MYO6: variants seen among roughly 807,000 people sequenced by gnomAD.
The protein encoded by MYO6 is myosin VI.
In MYO6, 74 loss-of-function variants were observed where a neutral mutation model predicts 178.7. That is an observed-to-expected ratio of 0.41 (90% CI 0.34 to 0.50). The LOEUF (loss-of-function observed/expected upper bound fraction) is 0.50. Ranked by LOEUF, MYO6 falls within the 20% of genes least tolerant of loss-of-function variation. MYO6 has a pLI of 0.09. For missense variants in MYO6, 1,330 were observed against 1,547.4 expected (o/e 0.86, Z 2.36); for synonymous variants, 477 against 504.6 (o/e 0.95, Z 0.73).
chr6:75,912,155 C>T (rs1780803467), intron 33 of MYO6, among the ~76,000 whole-genome samples: 1 of 151,914 alleles, frequency 6.6e-6, no homozygotes, highest in Non-Finnish European at 1.5e-5. Context: ...AATAATGATA[C>T]CTCCTTAAAT....
At chr6:75,858,645 T>A (rs538955633) in intron 13 of MYO6, among the ~76,000 whole-genome samples, 1 of 152,230 alleles carries the variant, frequency 6.6e-6, no homozygotes, top group Admixed American at 6.5e-5. Flanking sequence ...ACATTTTATA[T>A]CTTTTAGTAT....
intron 23 of MYO6, among the ~76,000 whole-genome samples, chr6:75,882,630 T>C (rs1778132511): frequency 6.6e-6 from 1 of 152,138 alleles, no homozygotes; most frequent in African/African-American, 2.4e-5. Context: ...AAAAAGATAT[T>C]TATTTACATT....
chr6:75,822,849 A>T lies in MYO6; in HGVS notation c.185A>T (p.Asn62Ile), dbSNP rs772775766. The part of the protein sequence containing the change: ...EEDSKKDVED[N>I]CSLMYLNEAT... ...GACAGTAAAAAAGATGTGGAAGATA[A>T]CTGTAAGTACCAAGTTAAAAATTAA... The change falls in exon 3 of 35, where the codon AAC becomes ATC. Residue 62 changes from asparagine (N) to isoleucine (I), a missense_variant and splice_region_variant. Asn to Ile is a moderately radical substitution (Grantham distance 149). This residue lies in a region of MYO6 where 116 missense variants were observed against 104.6 expected (regional missense o/e 1.11). Coordinates refer to ENST00000369977, the MANE Select transcript of MYO6 (RefSeq NM_004999.4). 6.2e-7 allele frequency: 1 copy of T among 1,611,734 alleles called. No individual in the cohort carries two copies. The highest frequency in any genetic ancestry group is 8.5e-7 in the Non-Finnish European group (1 of 1,178,074).
chr6:75,783,542 A>G (rs72654762), intron 1 of MYO6, among the ~76,000 whole-genome samples: 8,108 of 150,080 alleles, frequency 0.054, 481 homozygotes, highest in African/African-American at 0.15. Context: ...CTCTGAGATG[A>G]CATTTGATAT....
At chr6:75,753,455 G>GTGTGTGTGTGTGTGTGTATATA (rs370647728) in intron 1 of MYO6, among the ~76,000 whole-genome samples, 5 of 140,038 alleles carry the variant, frequency 3.6e-5, no homozygotes, top group African/African-American at 1.3e-4. Flanking sequence ...GTGTGTGTGT[G>GTGTGTGTGTGTGTGTGTATATA]TATATATATA....
At chr6:75,914,008 G>T in intron 33 of MYO6, 55 bp from the exon 34 acceptor site, 2 of 1,525,834 alleles carry the variant, frequency 1.3e-6, no homozygotes, top group South Asian at 1.1e-5. Flanking sequence ...AGGATTAAAG[G>T]CTCTTTTCTT....
chr6:75,916,237 C>A lies in MYO6; in HGVS notation c.*1225C>A, dbSNP rs914371517. 6.6e-6 allele frequency: 1 copy of A among 152,214 alleles called. No individual in the cohort carries two copies. Among genetic ancestry groups the A allele is most frequent in the Non-Finnish European group, 1.5e-5 (1 of 67,998 alleles). The allele number at this position is 152,214 out of a possible 1,614,324, so 9.4% of individuals were successfully genotyped here. A position where few individuals can be genotyped will look rare whatever the true frequency, so the allele number is the denominator to read the frequency against. On this transcript the variant is annotated 3_prime_UTR_variant, in exon 35 of 35. Transcript: ENST00000369977. ...AATAAAATTATAAAGTAAAATGATT[C>A]TCTGTACTGCTTTTTCCCCCAGTTT...
intron 2 of MYO6, among the ~76,000 whole-genome samples, chr6:75,820,785 C>G (rs1356129687): frequency 2.6e-5 from 4 of 152,170 alleles, no homozygotes; most frequent in African/African-American, 9.7e-5. Flanking sequence ...CCCCCCCATT[C>G]AGTAGAATTG....
chr6:75,817,800 C>G, intron 2 of MYO6, 136 bp downstream of exon 2: 1 of 798,884 alleles, frequency 1.3e-6, no homozygotes, highest in Non-Finnish European at 2.1e-6. Flanking sequence ...CTGTTTTCTC[C>G]TGACTTCTTT....
intron 1 of MYO6, among the ~76,000 whole-genome samples, chr6:75,813,222 G>T (rs575569977): frequency 1.3e-5 from 2 of 152,294 alleles, no homozygotes; most frequent in South Asian, 4.1e-4. Flanking sequence ...GTATTCTGAA[G>T]CTGAGCTGGC....
chr6:75,792,506 T>C (rs549741278), intron 1 of MYO6, among the ~76,000 whole-genome samples: 1 of 152,358 alleles, frequency 6.6e-6, no homozygotes, highest in Admixed American at 6.5e-5. Flanking sequence ...CTCTCTGGCT[T>C]ATTTAGAGTG....
intron 1 of MYO6, among the ~76,000 whole-genome samples, chr6:75,796,251 A>G (rs1583104807): frequency 6.6e-6 from 1 of 152,164 alleles, no homozygotes; most frequent in African/African-American, 2.4e-5. Flanking sequence ...AGTTGTCTGT[A>G]GAATAGAGTT....
At chr6:75,794,902 G>A (rs1368900087) in intron 1 of MYO6, among the ~76,000 whole-genome samples, 1 of 152,068 alleles carries the variant, frequency 6.6e-6, no homozygotes, top group Admixed American at 6.6e-5. Flanking sequence ...AGAAAAAAAG[G>A]CTTAAGCCTT....
At chr6:75,881,955 G>T in intron 23 of MYO6, 137 bp downstream of exon 23, 1 of 959,398 alleles carries the variant, frequency 1.0e-6, no homozygotes, top group Middle Eastern at 3.0e-4. Flanking sequence ...GTTCCTATTT[G>T]TAGATGTTCT....
At chr6:75,781,917 CAAAAAAAAAA>C (rs10584481) in intron 1 of MYO6, among the ~76,000 whole-genome samples, 114 of 44,684 alleles carry the variant, frequency 2.6e-3, no homozygotes, top group Non-Finnish European at 4.0e-3. Flanking sequence ...GACTCCATCT[CAAAAAAAAAA>C]AAAAAAAAAA....
At chr6:75,813,710 C>T (rs539039511) in intron 1 of MYO6, among the ~76,000 whole-genome samples, 3 of 152,238 alleles carry the variant, frequency 2.0e-5, no homozygotes, top group Non-Finnish European at 2.9e-5. Flanking sequence ...CTGGCTACCA[C>T]TGCTGACTGT....
chr6:75,821,080 G>T (rs987022504), intron 2 of MYO6, among the ~76,000 whole-genome samples: 1 of 152,074 alleles, frequency 6.6e-6, no homozygotes, highest in Non-Finnish European at 1.5e-5. Flanking sequence ...AAGATGGGGT[G>T]GTGATAATTT....
At chr6:75,785,576 G>C (rs1484427621) in intron 1 of MYO6, among the ~76,000 whole-genome samples, 1 of 150,604 alleles carries the variant, frequency 6.6e-6, no homozygotes, top group Non-Finnish European at 1.5e-5. Context: ...GGGCTCAAGC[G>C]ATCGTCCCGT....
At chr6:75,812,627 C>T (rs1770803657) in intron 1 of MYO6, among the ~76,000 whole-genome samples, 1 of 151,720 alleles carries the variant, frequency 6.6e-6, no homozygotes, top group East Asian at 1.9e-4. Flanking sequence ...AGGTATCATT[C>T]TACTCCCTAT....
Sources: gnomAD v4.1 joint callset for allele counts (sites outside exome capture counted in the v4.1 genomes callset) on GRCh38, gnomAD v4.1.1 for gene constraint, gnomAD v4.1.1 regional missense constraint, MANE v1.5 for transcripts, NCBI Gene and HGNC (gene_info 2026-07-23, HGNC 2026-07-21) for gene names.